SDK1: variants seen among roughly 807,000 people sequenced by gnomAD.
SDK1 encodes the protein sidekick cell adhesion molecule 1.
In SDK1, 157 loss-of-function variants were observed where a neutral mutation model predicts 245.5. The ratio of observed to expected loss-of-function variants is 0.64; its 90% CI spans 0.56 to 0.73. SDK1 has a LOEUF of 0.73. SDK1 is among the 30% of genes least tolerant of loss of function. SDK1 has a pLI of 0.00. For synonymous variants in SDK1, 1,647 were observed against 1,278.5 expected, an observed-to-expected ratio of 1.29 and a Z score of -6.15; for missense variants, 3,583 against 3,002.3, an observed-to-expected ratio of 1.19 and a Z score of -4.52.
intron 16 of SDK1, among the ~76,000 whole-genome samples, chr7:4,015,881 G>A (rs775080941): frequency 6.6e-6 from 1 of 152,162 alleles, no homozygotes; most frequent in Non-Finnish European, 1.5e-5. Flanking sequence ...AAGTGTACAT[G>A]GTCGGCGGCA....
intron 4 of SDK1, among the ~76,000 whole-genome samples, chr7:3,745,486 G>A (rs550120832): frequency 6.6e-6 from 1 of 152,214 alleles, no homozygotes; most frequent in South Asian, 2.1e-4. Context: ...CTGTTAACTA[G>A]AATAGAAACG....
At chr7:4,246,682 G>A (rs920609011) in intron 44 of SDK1, among the ~76,000 whole-genome samples, 11 of 152,028 alleles carry the variant, frequency 7.2e-5, no homozygotes, top group South Asian at 2.1e-4. Flanking sequence ...GTCATGTATC[G>A]GGCTCAGGGT....
At chr7:3,497,851 C>T (rs1366372200) in intron 1 of SDK1, among the ~76,000 whole-genome samples, 1 of 152,306 alleles carries the variant, frequency 6.6e-6, no homozygotes, top group Non-Finnish European at 1.5e-5. Flanking sequence ...ATCTAATCCC[C>T]TCACTGCACA....
chr7:4,000,606 A>T (rs1188460481), intron 14 of SDK1, among the ~76,000 whole-genome samples: 1 of 152,208 alleles, frequency 6.6e-6, no homozygotes, highest in Non-Finnish European at 1.5e-5. Context: ...CCTGGCTGTC[A>T]CCGCACAATC....
chr7:3,890,927 A>G (rs956574302), intron 5 of SDK1, among the ~76,000 whole-genome samples: 1 of 152,172 alleles, frequency 6.6e-6, no homozygotes, highest in African/African-American at 2.4e-5. Context: ...GCTAGAATCC[A>G]TCTCAAAACA....
rs10260529 is a variant in SDK1, at chr7:3,557,161, A to G, written c.299-61919A>G. Among the ~76,000 whole-genome samples, 328 of 152,264 alleles carry G rather than the reference A, an allele frequency of 2.2e-3. 4 individuals are homozygous for G. The highest frequency in any genetic ancestry group is 7.5e-3 in the African/African-American group (313 of 41,566). ...ACAGTAGAAAAAAAATCAATGTATC[A>G]AAAACCTGGTCCTTTAAAAACTTTA... is the stretch of plus-strand genomic sequence containing the variant. On this transcript the variant is annotated intron_variant, in intron 1 of 44. Coordinates refer to ENST00000404826, the MANE Select transcript of SDK1 (RefSeq NM_152744.4).
At chr7:3,716,993 GA>G (rs372474040) in intron 4 of SDK1, among the ~76,000 whole-genome samples, 28 of 151,870 alleles carry the variant, frequency 1.8e-4, no homozygotes, top group African/African-American at 5.8e-4. Flanking sequence ...GAAGTTTGAA[GA>G]AAAAAAATTT....
intron 1 of SDK1, among the ~76,000 whole-genome samples, chr7:3,358,269 G>A (rs865853903): frequency 1.4e-4 from 21 of 152,200 alleles, no homozygotes; most frequent in East Asian, 3.9e-4. Flanking sequence ...TGATCTGCCC[G>A]TCTCAGCCTC....
chr7:4,093,629 C>A (rs551904375), intron 22 of SDK1, among the ~76,000 whole-genome samples: 20 of 152,278 alleles, frequency 1.3e-4, no homozygotes, highest in Admixed American at 1.2e-3. Flanking sequence ...AGCAGCCGGG[C>A]GCCCAGGCGT....
chr7:3,599,089 CCT>C (rs1781168979), intron 1 of SDK1, among the ~76,000 whole-genome samples: 2 of 120,190 alleles, frequency 1.7e-5, no homozygotes. Flanking sequence ...GACTAATCCA[CCT>C]TTTTTTTTTT....
At chr7:3,767,478 T>C (rs1204930284) in intron 4 of SDK1, among the ~76,000 whole-genome samples, 3 of 152,232 alleles carry the variant, frequency 2.0e-5, no homozygotes, top group Non-Finnish European at 4.4e-5. Flanking sequence ...TTCTCTTTCA[T>C]ATTTTTCTTG....
intron 5 of SDK1, among the ~76,000 whole-genome samples, chr7:3,836,471 A>C (rs1780030975): frequency 1.3e-5 from 2 of 152,228 alleles, no homozygotes; most frequent in South Asian, 4.1e-4. Context: ...CATCATAGGC[A>C]TTGAGGATAT....
At chr7:4,163,014 G>C (rs1301040053) in intron 32 of SDK1, among the ~76,000 whole-genome samples, 1 of 152,222 alleles carries the variant, frequency 6.6e-6, no homozygotes, top group Non-Finnish European at 1.5e-5. Flanking sequence ...GGGGCAGACA[G>C]ATGTTGAGTT....
intron 4 of SDK1, among the ~76,000 whole-genome samples, chr7:3,709,874 A>C (rs1784994703): frequency 6.6e-6 from 1 of 152,222 alleles, no homozygotes; most frequent in South Asian, 2.1e-4. Context: ...CAAGGCCCAC[A>C]CAGGGGTCCT....
At chr7:3,581,366 A>G (rs545322583) in intron 1 of SDK1, among the ~76,000 whole-genome samples, 53 of 152,244 alleles carry the variant, frequency 3.5e-4, no homozygotes, top group Non-Finnish European at 7.2e-4. Context: ...TTTCAAAAGA[A>G]GACATATGCA....
chr7:3,347,892 GTTTT>G (rs10598226), intron 1 of SDK1, among the ~76,000 whole-genome samples: 10 of 149,538 alleles, frequency 6.7e-5, no homozygotes, highest in African/African-American at 1.7e-4. Flanking sequence ...CATTAAATAT[GTTTT>G]TTTTTTTTTC....
chr7:3,684,085 G>T (rs757596498), intron 4 of SDK1, among the ~76,000 whole-genome samples: 1 of 152,178 alleles, frequency 6.6e-6, no homozygotes, highest in Non-Finnish European at 1.5e-5. Context: ...GTGGTGGCAG[G>T]CCTCAGTAGG....
At position 3,865,362 on chromosome 7, in the gene SDK1, G is replaced by C. The variant is rs370061412; in HGVS notation, c.847+43779G>C. 1.6e-3 allele frequency among the ~76,000 whole-genome samples: 242 copies of C among 152,350 alleles called. 3 individuals carry two copies. The highest frequency in any genetic ancestry group is 9.5e-3 in the South Asian group (46 of 4,828). On this transcript the variant is annotated intron_variant, in intron 5 of 44. Transcript: ENST00000404826. ...CATCCCACTCCCTTTGGAGGGATGT[G>C]GGAATGTGGAGAGGAGTAAGACCGA...
intron 35 of SDK1, among the ~76,000 whole-genome samples, chr7:4,196,614 C>T (rs1178632547): frequency 1.3e-5 from 2 of 152,154 alleles, no homozygotes; most frequent in East Asian, 3.9e-4. Flanking sequence ...CCCTCCTAGG[C>T]CCAGGCACTG....
Sources: gnomAD v4.1 joint callset for allele counts (sites outside exome capture counted in the v4.1 genomes callset) on GRCh38, gnomAD v4.1.1 for gene constraint, MANE v1.5 for transcripts, NCBI Gene and HGNC (gene_info 2026-07-23, HGNC 2026-07-21) for gene names.